The following SLC30A8 variants were observed in gnomAD, a reference collection of about 807,000 sequenced individuals.
SLC30A8 encodes the protein solute carrier family 30 member 8, also known as proton-coupled zinc antiporter SLC30A8.
In SLC30A8, 27 loss-of-function variants were observed where a neutral mutation model predicts 36.9. The ratio of observed to expected loss-of-function variants is 0.73; its 90% CI spans 0.54 to 1.01. SLC30A8 has a LOEUF of 1.01. SLC30A8 is among the 50% of genes least tolerant of loss of function. The pLI is 0.00. For missense variants in SLC30A8, 439 were observed against 452.0 expected (o/e 0.97, Z 0.26); for synonymous variants, 164 against 172.4 (o/e 0.95, Z 0.38).
intron 2 of SLC30A8, among the ~76,000 whole-genome samples, chr8:117,124,533 T>C (rs1586554554): frequency 6.6e-6 from 1 of 151,254 alleles, no homozygotes; most frequent in East Asian, 2.0e-4. Flanking sequence ...TTTAAATACC[T>C]CCACCAAAAA....
intron 1 of SLC30A8, among the ~76,000 whole-genome samples, chr8:116,952,051 A>G (rs567656656): frequency 6.6e-6 from 1 of 152,166 alleles, no homozygotes; most frequent in Non-Finnish European, 1.5e-5. Flanking sequence ...GAGCATAGCC[A>G]AGAGAAGGTT....
chr8:117,118,774 T>C (rs1820561510), intron 2 of SLC30A8, among the ~76,000 whole-genome samples: 1 of 152,012 alleles, frequency 6.6e-6, no homozygotes, highest in African/African-American at 2.4e-5. Flanking sequence ...ATTATTATCT[T>C]TTGATGTGTA....
chr8:117,152,224 G>C (rs1290419921), intron 2 of SLC30A8, among the ~76,000 whole-genome samples: 2 of 152,124 alleles, frequency 1.3e-5, no homozygotes, highest in African/African-American at 4.8e-5. Context: ...GAAAGGGCAA[G>C]GTTTTTCTTT....
intron 4 of SLC30A8, among the ~76,000 whole-genome samples, chr8:117,160,877 G>A (rs1464151276): frequency 6.6e-6 from 1 of 152,292 alleles, no homozygotes; most frequent in East Asian, 1.9e-4. Context: ...TGGGATACAT[G>A]GTGTTGAACA....
intron 1 of SLC30A8, among the ~76,000 whole-genome samples, chr8:116,994,742 A>G (rs1405355694): frequency 1.1e-4 from 17 of 152,104 alleles, no homozygotes; most frequent in Admixed American, 1.0e-3. Context: ...GGGATTTATG[A>G]ATCCTTCTGT....
intron 2 of SLC30A8, among the ~76,000 whole-genome samples, chr8:117,077,365 G>A (rs1391726338): frequency 6.6e-6 from 1 of 152,098 alleles, no homozygotes; most frequent in Non-Finnish European, 1.5e-5. Flanking sequence ...ATATCTTATG[G>A]TTGCTTGTAT....
At chr8:117,122,966 T>C (rs1478343415) in intron 2 of SLC30A8, among the ~76,000 whole-genome samples, 3 of 152,042 alleles carry the variant, frequency 2.0e-5, no homozygotes, top group African/African-American at 7.2e-5. Flanking sequence ...TATTAGAATA[T>C]ACACTGCACT....
At chr8:116,976,417 A>C (rs1474984826) in intron 1 of SLC30A8, among the ~76,000 whole-genome samples, 1 of 152,164 alleles carries the variant, frequency 6.6e-6, no homozygotes, top group Non-Finnish European at 1.5e-5. Context: ...GATTGGAAGA[A>C]AATAGGCTGT....
chr8:117,139,881 A>G (rs951963125), intron 1 of SLC30A8, among the ~76,000 whole-genome samples: 1 of 150,310 alleles, frequency 6.7e-6, no homozygotes, highest in African/African-American at 2.5e-5. Context: ...AAAAAAAAGT[A>G]GAAACAGTCC....
intron 2 of SLC30A8, among the ~76,000 whole-genome samples, chr8:117,150,874 A>G (rs1470580806): frequency 2.6e-5 from 4 of 152,070 alleles, no homozygotes; most frequent in Non-Finnish European, 5.9e-5. Flanking sequence ...CGAAGTGCTG[A>G]GATTACAGGC....
intron 2 of SLC30A8, chr8:117,039,314 G>A (rs1817312741): frequency 6.6e-6 from 1 of 152,118 alleles, no homozygotes; most frequent in Non-Finnish European, 1.5e-5. Flanking sequence ...TATAAATTTG[G>A]TAGTATGCTT....
chr8:116,981,083 C>T lies in SLC30A8; in HGVS notation c.-266+29964C>T, dbSNP rs145210157. Reference sequence around the variant, plus strand: ...TTCTGCTTAGTGATGTCTTGGCCATCGGCTGGTACTGGAGGTGTTAAATGG... The same window carrying T: ...TTCTGCTTAGTGATGTCTTGGCCATTGGCTGGTACTGGAGGTGTTAAATGG... On this transcript the variant is annotated intron_variant, in intron 1 of 10. Coordinates refer to the SLC30A8 transcript ENST00000427715. Among the ~76,000 whole-genome samples the T allele has an allele frequency of 1.1e-3, 162 of 152,276 alleles. 1 individual carries two copies. Among genetic ancestry groups the T allele is most frequent in the East Asian group, 9.3e-3 (48 of 5,186 alleles).
intron 2 of SLC30A8, among the ~76,000 whole-genome samples, chr8:117,096,557 A>C (rs1819374875): frequency 6.6e-6 from 1 of 152,182 alleles, no homozygotes; most frequent in African/African-American, 2.4e-5. Flanking sequence ...TTTGCAAATC[A>C]GACTCAGATA....
intron 2 of SLC30A8, among the ~76,000 whole-genome samples, chr8:117,081,936 T>G (rs570083790): frequency 1.2e-4 from 19 of 152,308 alleles, no homozygotes; most frequent in Non-Finnish European, 2.2e-4. Context: ...TAGGTACCAT[T>G]TCACTGCAAA....
At chr8:117,054,079 C>T (rs956207960) in intron 2 of SLC30A8, among the ~76,000 whole-genome samples, 2 of 149,266 alleles carry the variant, frequency 1.3e-5, no homozygotes, top group Non-Finnish European at 3.0e-5. Context: ...TGAACATACA[C>T]TAAATGTACT....
chr8:117,058,868 A>G (rs1183911442), intron 2 of SLC30A8, among the ~76,000 whole-genome samples: 1 of 152,220 alleles, frequency 6.6e-6, no homozygotes, highest in Non-Finnish European at 1.5e-5. Flanking sequence ...CATGCTACAA[A>G]GCTAGAGTTG....
intron 2 of SLC30A8, among the ~76,000 whole-genome samples, chr8:117,112,682 GT>G (rs1820280380): frequency 6.6e-6 from 1 of 152,136 alleles, no homozygotes; most frequent in Non-Finnish European, 1.5e-5. Flanking sequence ...TTGGAAAAAA[GT>G]CATCATATTA....
intron 2 of SLC30A8, among the ~76,000 whole-genome samples, chr8:117,040,350 A>G (rs143067742): frequency 3.3e-5 from 5 of 152,346 alleles, no homozygotes; most frequent in African/African-American, 1.2e-4. Context: ...TTGGGTGAGC[A>G]AAATAAAACA....
At chr8:117,047,801 A>G (rs1381395122) in intron 2 of SLC30A8, among the ~76,000 whole-genome samples, 2 of 152,200 alleles carry the variant, frequency 1.3e-5, no homozygotes, top group Non-Finnish European at 2.9e-5. Context: ...CACAAGATAC[A>G]GGTCAAAAGA....
Sources: gnomAD v4.1 joint callset for allele counts (sites outside exome capture counted in the v4.1 genomes callset) on GRCh38, gnomAD v4.1.1 for gene constraint, MANE v1.5 for transcripts, NCBI Gene and HGNC (gene_info 2026-07-23, HGNC 2026-07-21) for gene names.